Variants in AFAP1L1 observed in about 807,000 individuals in gnomAD.
AFAP1L1 encodes the protein actin filament associated protein 1 like 1.
In AFAP1L1, 77 loss-of-function variants were observed where a neutral mutation model predicts 99.8. The observed-to-expected ratio is 0.77, with a 90% CI of 0.64 to 0.93. The LOEUF (loss-of-function observed/expected upper bound fraction) is 0.93. Ranked by LOEUF, AFAP1L1 falls within the 40% of genes least tolerant of loss-of-function variation. The pLI, the probability that AFAP1L1 is intolerant of heterozygous loss-of-function variation, is 0.00. For synonymous variants in AFAP1L1, 373 were observed against 395.3 expected (o/e 0.94, Z 0.67); for missense variants, 893 against 996.8 (o/e 0.90, Z 1.40).
intron 1 of AFAP1L1, among the ~76,000 whole-genome samples, chr5:149,286,517 A>G (rs1172121523): frequency 1.3e-5 from 2 of 152,176 alleles, no homozygotes; most frequent in Admixed American, 6.5e-5. Context: ...TGATTTTCTG[A>G]TTCCTTGATC....
intron 16 of AFAP1L1, among the ~76,000 whole-genome samples, chr5:149,330,821 A>G (rs889621677): frequency 4.6e-5 from 7 of 152,198 alleles, no homozygotes; most frequent in African/African-American, 1.7e-4. Flanking sequence ...TTTGCCACAG[A>G]CACACAAATA....
At chr5:149,325,081 A>T (rs1299184094) in intron 15 of AFAP1L1, among the ~76,000 whole-genome samples, 2 of 152,224 alleles carry the variant, frequency 1.3e-5, no homozygotes, top group Non-Finnish European at 2.9e-5. Context: ...GAGAAGCTGC[A>T]TGGACCCACT....
chr5:149,333,819 G>A (rs948927219), intron 17 of AFAP1L1, among the ~76,000 whole-genome samples: 2 of 152,120 alleles, frequency 1.3e-5, no homozygotes, highest in African/African-American at 4.8e-5. Flanking sequence ...ATGTCCCTCG[G>A]GAGAGCAAAA....
intron 15 of AFAP1L1, among the ~76,000 whole-genome samples, chr5:149,326,301 G>A (rs530462838): frequency 6.6e-6 from 1 of 152,308 alleles, no homozygotes; most frequent in African/African-American, 2.4e-5. Context: ...CACTTTGGGA[G>A]GCTGAGGCAG....
At chr5:149,317,230 G>C (rs1756822633) in intron 11 of AFAP1L1, among the ~76,000 whole-genome samples, 1 of 152,200 alleles carries the variant, frequency 6.6e-6, no homozygotes, top group South Asian at 2.1e-4. Flanking sequence ...GAATCAGAGT[G>C]CGTTATGGTA....
chr5:149,281,185 G>A (rs1362165441), intron 1 of AFAP1L1, among the ~76,000 whole-genome samples: 1 of 152,016 alleles, frequency 6.6e-6, no homozygotes, highest in Non-Finnish European at 1.5e-5. Context: ...GTGTAATGGG[G>A]GACTCATCAG....
chr5:149,331,349 G>T (rs1044933547), intron 16 of AFAP1L1, among the ~76,000 whole-genome samples: 1 of 152,064 alleles, frequency 6.6e-6, no homozygotes, highest in East Asian at 1.9e-4. Context: ...GGCTGGGTGC[G>T]GTGGCTCACG....
At chr5:149,339,340 A>C (rs1581350673) in intron 18 of AFAP1L1, among the ~76,000 whole-genome samples, 2 of 151,922 alleles carry the variant, frequency 1.3e-5, no homozygotes, top group South Asian at 2.1e-4. Context: ...CAGGTGCACA[A>C]CACCACACTC....
chr5:149,330,270 C>T (rs759146889), intron 16 of AFAP1L1, among the ~76,000 whole-genome samples: 2 of 152,198 alleles, frequency 1.3e-5, no homozygotes, highest in Non-Finnish European at 2.9e-5. Context: ...TTCTGAAACC[C>T]AGGGACCTCA....
intron 4 of AFAP1L1, 70 bp downstream of exon 4, chr5:149,301,300 C>A: frequency 6.8e-7 from 1 of 1,461,582 alleles, no homozygotes; most frequent in South Asian, 1.2e-5. Context: ...GAAGCTCTCC[C>A]CTTCCCACTG....
chr5:149,311,407 T>C (rs1172555583), intron 8 of AFAP1L1, among the ~76,000 whole-genome samples: 1 of 152,244 alleles, frequency 6.6e-6, no homozygotes, highest in Non-Finnish European at 1.5e-5. Flanking sequence ...AGTGGGCAGC[T>C]GAACTGCCTG....
chr5:149,276,361 A>G (rs1755324239), intron 1 of AFAP1L1, among the ~76,000 whole-genome samples: 1 of 152,248 alleles, frequency 6.6e-6, no homozygotes, highest in Non-Finnish European at 1.5e-5. Flanking sequence ...CACAGTAACA[A>G]ACATAGAAAC....
At position 149,320,645 on chromosome 5, in the gene AFAP1L1, T is replaced by A. The variant is rs1756924699; in HGVS notation, c.1698+182T>A. On this transcript the variant is annotated intron_variant, in intron 14 of 18. Transcript: ENST00000296721. The surrounding 1 kb of genome is among the most constrained non-coding windows in gnomAD (Gnocchi z 4.0). ...ATGAGGAATCCCTGGCACAGGAGGCTGGGTGGTGTGGTGGAAAGAGACCCA... is the reference window on the plus strand; with the variant it reads ...ATGAGGAATCCCTGGCACAGGAGGCAGGGTGGTGTGGTGGAAAGAGACCCA... Among the ~76,000 whole-genome samples, 1 of 152,214 alleles carries A rather than the reference T, an allele frequency of 6.6e-6. No homozygotes were observed. Among genetic ancestry groups the A allele is most frequent in the South Asian group, 2.1e-4 (1 of 4,826 alleles).
At chr5:149,325,899 G>A (rs1345988960) in intron 15 of AFAP1L1, among the ~76,000 whole-genome samples, 2 of 152,262 alleles carry the variant, frequency 1.3e-5, no homozygotes, top group Admixed American at 6.5e-5. Flanking sequence ...AGCCCTCATG[G>A]CCTAAATCAC....
rs962913439 is a variant in AFAP1L1, at chr5:149,343,131, A to G, written c.*3101A>G. Among the ~76,000 whole-genome samples the G allele has an allele frequency of 7.9e-5, 12 of 152,172 alleles. No individual in the cohort carries two copies. The highest frequency in any genetic ancestry group is 4.4e-5 in the Non-Finnish European group (3 of 68,032). On this transcript the variant is annotated 3_prime_UTR_variant, in exon 19 of 19. Coordinates refer to ENST00000296721, the MANE Select transcript of AFAP1L1 (RefSeq NM_152406.4). ...ACCATATCACCCTTTTCATAAGGCC[A>G]AAAAGAAAATATAAGTTATTGGTCA...
intron 1 of AFAP1L1, among the ~76,000 whole-genome samples, chr5:149,298,673 T>C (rs542602507): frequency 1.0e-3 from 152 of 152,310 alleles, no homozygotes; most frequent in Admixed American, 3.9e-3. Flanking sequence ...GGTCTTTGGC[T>C]CTAAGGCAAA....
Position 149,271,947 on chromosome 5 carries a change from C to G in AFAP1L1, c.-22C>G, listed in dbSNP as rs141004478. ...GAGCCCCTGCGCCCTGCGGCCCGCTCCCCGGGGACCGGGCCGGCGCCATGG... is the reference window on the plus strand; with the variant it reads ...GAGCCCCTGCGCCCTGCGGCCCGCTGCCCGGGGACCGGGCCGGCGCCATGG... On this transcript the variant is annotated 5_prime_UTR_variant, in exon 1 of 19. Transcript: ENST00000296721. 62 of 1,230,374 alleles carry G rather than the reference C, an allele frequency of 5.0e-5. No homozygotes were observed. The highest frequency in any genetic ancestry group is 6.2e-5 in the Non-Finnish European group (61 of 985,678). 76.2% of individuals were successfully genotyped at this position (1,230,374 alleles called of 1,614,324 possible). A position where few individuals can be genotyped will look rare whatever the true frequency, so the allele number is the denominator to read the frequency against.
chr5:149,322,434 A>G (rs1342383640), intron 14 of AFAP1L1, among the ~76,000 whole-genome samples, 172 bp from the exon 15 acceptor site: 1 of 152,202 alleles, frequency 6.6e-6, no homozygotes, highest in Non-Finnish European at 1.5e-5. Context: ...GGTTCAAATG[A>G]TATACTGCTA....
At chr5:149,291,331 A>G (rs1457207904) in intron 1 of AFAP1L1, among the ~76,000 whole-genome samples, 2 of 151,912 alleles carry the variant, frequency 1.3e-5, no homozygotes, top group Non-Finnish European at 2.9e-5. Flanking sequence ...GACCGACACC[A>G]TCCTGGCCAA....
Sources: gnomAD v4.1 joint callset for allele counts (sites outside exome capture counted in the v4.1 genomes callset) on GRCh38, gnomAD v4.1.1 for gene constraint, Gnocchi (gnomAD v3.1) non-coding constraint, MANE v1.5 for transcripts, NCBI Gene and HGNC (gene_info 2026-07-23, HGNC 2026-07-21) for gene names.